MRFAP1: variants seen among roughly 807,000 people sequenced by gnomAD.
MRFAP1 encodes the protein Morf4 family associated protein 1.
In MRFAP1, 1 loss-of-function variant was observed where a neutral mutation model predicts 9.3. The ratio of observed to expected loss-of-function variants is 0.11; its 90% CI spans 0.04 to 0.51. MRFAP1 has a LOEUF of 0.51. MRFAP1 is among the 20% of genes least tolerant of loss of function. The pLI, the probability that MRFAP1 is intolerant of heterozygous loss-of-function variation, is 0.94. For missense variants in MRFAP1, 180 were observed against 178.6 expected, an observed-to-expected ratio of 1.01 and a Z score of -0.04; for synonymous variants, 101 against 80.3, an observed-to-expected ratio of 1.26 and a Z score of -1.38.
At chr4:6,641,343 A>C in intron 1 of MRFAP1, 85 bp downstream of exon 1, 7 of 1,480,116 alleles carry the variant, frequency 4.7e-6, no homozygotes, top group South Asian at 1.3e-5. Context: ...GATGCACCGG[A>C]ATCGGGGGTG....
Position 6,641,225 on chromosome 4 carries a change from AGAG to A in MRFAP1, c.364_366del (p.Glu122del). On this transcript the variant is annotated inframe_deletion, in exon 1 of 2. Coordinates refer to ENST00000382581, the MANE Select transcript of MRFAP1 (RefSeq NM_033296.3). Reference sequence around the variant, plus strand: ...TGCTGGTGGAGCTGGTCCGGCGGATAGAGAAGAGCGAGTCGTCGTGAGCGCGGT... The same window carrying A: ...TGCTGGTGGAGCTGGTCCGGCGGATAAAGAGCGAGTCGTCGTGAGCGCGGT... 6.3e-7 allele frequency: 1 copy of A among 1,589,530 alleles called. No homozygotes were observed. Among genetic ancestry groups the A allele is most frequent in the Non-Finnish European group, 8.6e-7 (1 of 1,163,578 alleles).
chr4:6,641,272 C>T lies in MRFAP1; in HGVS notation c.*12+14C>T, dbSNP rs1712813388. The T allele has an allele frequency of 1.3e-6, 2 of 1,537,714 alleles. No individual in the cohort carries two copies. The highest frequency in any genetic ancestry group is 1.8e-4 in the Middle Eastern group (1 of 5,714). On this transcript the variant is annotated intron_variant, in intron 1 of 1. Coordinates refer to ENST00000382581, the MANE Select transcript of MRFAP1 (RefSeq NM_033296.3). ...GCGCGGTCGGCGGTAAGTCGGGCAC[C>T]CGCGCCAGGCCGAGGAGCGGCCCCA...
chr4:6,642,345 A>G lies in MRFAP1; in HGVS notation c.*628A>G, dbSNP rs1387629146. On this transcript the variant is annotated 3_prime_UTR_variant, in exon 2 of 2. Transcript: ENST00000382581. ...GAGATGTGTTTTGTTCAAAATTTAA[A>G]TTTGTTGTGGTACACTATCTTATGT... The G allele has an allele frequency of 2.0e-5, 3 of 152,642 alleles. No individual in the cohort carries two copies. The highest frequency in any genetic ancestry group is 4.4e-5 in the Non-Finnish European group (3 of 68,040). The allele number at this position is 152,642 out of a possible 1,614,324, so 9.5% of individuals were successfully genotyped here.
rs1712851013 is a variant in MRFAP1 at position 6,641,891 on chromosome 4, G to GT, written c.*177dup. On this transcript the variant is annotated 3_prime_UTR_variant, in exon 2 of 2. Coordinates refer to ENST00000382581, the MANE Select transcript of MRFAP1 (RefSeq NM_033296.3). ...TCTGTGGTTGATGACCTCAATATGA[G>GT]TTTCGATTGTTAACGTGTTTTTGTT... The GT allele has an allele frequency of 6.6e-6, 1 of 152,622 alleles. No individual in the cohort carries two copies. The highest frequency in any genetic ancestry group is 1.5e-5 in the Non-Finnish European group (1 of 68,064). 9.5% of individuals were successfully genotyped at this position (152,622 alleles called of 1,614,324 possible).
At position 6,640,703 on chromosome 4, in the gene MRFAP1, C is replaced by G. The variant is rs776004440; in HGVS notation, c.-160C>G. On this transcript the variant is annotated 5_prime_UTR_variant, in exon 1 of 2. Coordinates refer to ENST00000382581, the MANE Select transcript of MRFAP1 (RefSeq NM_033296.3). ...GGACTCCATTTTGTTCGCCGTTACT[C>G]TGCGCGTAAGTCGCTTGTCCGTGGC... 6 of 937,096 alleles carry G rather than the reference C, an allele frequency of 6.4e-6. No homozygotes were observed. The highest frequency in any genetic ancestry group is 5.1e-5 in the Admixed American group (2 of 39,558). 58.0% of individuals were successfully genotyped at this position (937,096 alleles called of 1,614,324 possible). A position where few individuals can be genotyped will look rare whatever the true frequency, so the allele number is the denominator to read the frequency against.
Position 6,641,105 on chromosome 4 carries a change from C to T in MRFAP1, c.243C>T (p.His81=), listed in dbSNP as rs570990005. ...CCTCGGAGGAGAGCGCCCTCAACCA[C>T]CTCCAGAACCCGGGCGACGCGGCCG... is the stretch of plus-strand genomic sequence containing the variant. ...VEASEESALN[H]LQNPGDAAEG... The change falls in exon 1 of 2, where the codon CAC becomes CAT. Residue 81 remains histidine, a synonymous_variant. Coordinates refer to ENST00000382581, the MANE Select transcript of MRFAP1 (RefSeq NM_033296.3). The T allele has an allele frequency of 1.2e-6, 2 of 1,614,090 alleles. No individual in the cohort carries two copies. The highest frequency in any genetic ancestry group is 2.2e-5 in the East Asian group (1 of 44,892).
Position 6,640,964 on chromosome 4 carries a change from G to C in MRFAP1, c.102G>C (p.Glu34Asp). ...AGTTTCTGCTCCCGGTCATCAACGA[G>C]ATGCGCGAGGACATCGCGTCGCTGA... The part of the protein sequence containing the change: ...FEQFLLPVIN[E>D]MREDIASLTR... Residue 34 changes from glutamate (E) to aspartate (D), a missense_variant, in exon 1 of 2, where the codon GAG becomes GAC. Transcript: ENST00000382581. 2 of 1,614,186 alleles carry C rather than the reference G, an allele frequency of 1.2e-6. No homozygotes were observed. The highest frequency in any genetic ancestry group is 1.7e-6 in the Non-Finnish European group (2 of 1,180,036).
rs1431690696 is a variant in MRFAP1 at position 6,641,129 on chromosome 4, C to G, written c.267C>G (p.Ala89=). The G allele has an allele frequency of 6.2e-7, 1 of 1,614,046 alleles. No homozygotes were observed. The highest frequency in any genetic ancestry group is 1.3e-5 in the African/African-American group (1 of 74,944). ...ACCTCCAGAACCCGGGCGACGCGGC[C>G]GAGGGCCGGGCGGCCAAGAGGTGCG... The part of the protein sequence containing the change: ...LNHLQNPGDA[A]EGRAAKRCEK... The change falls in exon 1 of 2, where the codon GCC becomes GCG. Residue 89 remains alanine, a synonymous_variant. Transcript: ENST00000382581.
At chr4:6,641,457 T>G in intron 1 of MRFAP1, 199 bp downstream of exon 1, 1 of 625,346 alleles carries the variant, frequency 1.6e-6, no homozygotes, top group South Asian at 2.4e-5. Context: ...GTGGCCGGGT[T>G]TGGGCGTGAT....
In MRFAP1 at chr4:6,641,193, G is replaced by A; in HGVS notation, c.331G>A (p.Ala111Thr). ...GAAGGCCAAGGAGATTGCGAAGATG[G>A]CAGAGATGCTGGTGGAGCTGGTCCG... ...EEKAKEIAKM[A>T]EMLVELVRRI... is the part of the protein sequence containing the mutation. Residue 111 changes from alanine (A) to threonine (T), a missense_variant, in exon 1 of 2, where the codon GCA becomes ACA. By Grantham distance (58) the Ala-to-Thr change is moderately conservative (BLOSUM62 0). Coordinates refer to ENST00000382581, the MANE Select transcript of MRFAP1 (RefSeq NM_033296.3). 6.2e-7 allele frequency: 1 copy of A among 1,610,994 alleles called. No individual in the cohort carries two copies. Among genetic ancestry groups the A allele is most frequent in the Non-Finnish European group, 8.5e-7 (1 of 1,177,864 alleles).
chr4:6,641,469 C>T lies in MRFAP1; in HGVS notation c.*12+211C>T, dbSNP rs958680408. 8.7e-6 allele frequency: 5 copies of T among 573,608 alleles called. 1 individual carries two copies. The highest frequency in any genetic ancestry group is 5.3e-5 in the South Asian group (2 of 37,848). 35.5% of individuals were successfully genotyped at this position (573,608 alleles called of 1,614,324 possible). A position where few individuals can be genotyped will look rare whatever the true frequency, so the allele number is the denominator to read the frequency against. ...AGAGTGGCCGGGTTTGGGCGTGATG[C>T]GTGTTCAGTGGAAGGGTCATAAATC... On this transcript the variant is annotated intron_variant, in intron 1 of 1. Coordinates refer to ENST00000382581, the MANE Select transcript of MRFAP1 (RefSeq NM_033296.3).
In MRFAP1 at chr4:6,640,707, G is replaced by A; in HGVS notation, c.-156G>A. ...TCCATTTTGTTCGCCGTTACTCTGC[G>A]CGTAAGTCGCTTGTCCGTGGCTTCT... On this transcript the variant is annotated 5_prime_UTR_variant, in exon 1 of 2. Coordinates refer to ENST00000382581, the MANE Select transcript of MRFAP1 (RefSeq NM_033296.3). The A allele has an allele frequency of 1.0e-6, 1 of 962,618 alleles. No individual in the cohort carries two copies. The highest frequency in any genetic ancestry group is 1.7e-5 in the South Asian group (1 of 60,096). The allele number at this position is 962,618 out of a possible 1,614,324, so 59.6% of individuals were successfully genotyped here.
Position 6,640,733 on chromosome 4 carries a change from C to T in MRFAP1, c.-130C>T, listed in dbSNP as rs1712781860. ...CGTAAGTCGCTTGTCCGTGGCTTCT[C>T]TGAGAAGAAAAGTTGAAAAAGGGTA... is the stretch of plus-strand genomic sequence containing the variant. On this transcript the variant is annotated 5_prime_UTR_variant, in exon 1 of 2. Coordinates refer to ENST00000382581, the MANE Select transcript of MRFAP1 (RefSeq NM_033296.3). 2 of 1,265,334 alleles carry T rather than the reference C, an allele frequency of 1.6e-6. No individual in the cohort carries two copies. The highest frequency in any genetic ancestry group is 1.5e-5 in the African/African-American group (1 of 66,896). The allele number at this position is 1,265,334 out of a possible 1,614,324, so 78.4% of individuals were successfully genotyped here. A position where few individuals can be genotyped will look rare whatever the true frequency, so the allele number is the denominator to read the frequency against.
rs3207079 is a variant in MRFAP1, at chr4:6,641,213, G to C, written c.351G>C (p.Leu117=). 1 of 1,602,594 alleles carries C rather than the reference G, an allele frequency of 6.2e-7. No individual in the cohort carries two copies. Among genetic ancestry groups the C allele is most frequent in the South Asian group, 1.1e-5 (1 of 90,412 alleles). ...AGATGGCAGAGATGCTGGTGGAGCT[G>C]GTCCGGCGGATAGAGAAGAGCGAGT... ...IAKMAEMLVE[L]VRRIEKSESS The change falls in exon 1 of 2, where the codon CTG becomes CTC. Residue 117 remains leucine, a synonymous_variant. Coordinates refer to ENST00000382581, the MANE Select transcript of MRFAP1 (RefSeq NM_033296.3).
Position 6,640,878 on chromosome 4 carries a change from A to G in MRFAP1, c.16A>G (p.Ile6Val). The G allele has an allele frequency of 1.9e-6, 3 of 1,609,708 alleles. No homozygotes were observed. The highest frequency in any genetic ancestry group is 2.5e-6 in the Non-Finnish European group (3 of 1,176,682). The change falls in exon 1 of 2, where the codon ATC becomes GTC. Residue 6 changes from isoleucine to valine, a missense_variant. Physicochemically the swap from Ile to Val is conservative, Grantham distance 29. Transcript: ENST00000382581. MRPLD[I>V]VELAEPEEVE... ...GTGGGAAGAGATGCGGCCCCTGGAC[A>G]TCGTCGAGCTGGCGGAACCGGAGGA...
intron 1 of MRFAP1, 54 bp downstream of exon 1, chr4:6,641,312 C>G: frequency 6.6e-7 from 1 of 1,516,068 alleles, no homozygotes; most frequent in Non-Finnish European, 8.8e-7. Context: ...GGCCGCTCTT[C>G]GAGAGCGATG....
Position 6,641,027 on chromosome 4 carries a change from C to A in MRFAP1, c.165C>A (p.Ser55Arg). Residue 55 changes from serine (S) to arginine (R), a missense_variant, in exon 1 of 2, where the codon AGC becomes AGA. Physicochemically the swap from Ser to Arg is moderately radical, Grantham distance 110. Coordinates refer to ENST00000382581, the MANE Select transcript of MRFAP1 (RefSeq NM_033296.3). ...EHGRAYLRNRSKLWEMDNMLI... is the reference protein window; with the variant it reads ...EHGRAYLRNRRKLWEMDNMLI... The stretch of plus-strand genomic sequence containing the variant: ...GGCGGGCGTACCTGCGGAACCGGAG[C>A]AAGCTGTGGGAGATGGACAATATGC... The A allele has an allele frequency of 6.2e-7, 1 of 1,614,242 alleles. No homozygotes were observed. The highest frequency in any genetic ancestry group is 8.5e-7 in the Non-Finnish European group (1 of 1,180,030).
rs1192426646 is a variant in MRFAP1, at chr4:6,642,655, T to G, written c.*938T>G. 6.6e-6 allele frequency: 1 copy of G among 152,380 alleles called. No homozygotes were observed. Among genetic ancestry groups the G allele is most frequent in the Admixed American group, 6.5e-5 (1 of 15,280 alleles). 9.4% of individuals were successfully genotyped at this position (152,380 alleles called of 1,614,324 possible). ...TTTGAGTAGCAGACCTAACAAATATTTGAGGTCAGAACCCTACCATGTTAA... is the reference window on the plus strand; with the variant it reads ...TTTGAGTAGCAGACCTAACAAATATGTGAGGTCAGAACCCTACCATGTTAA... On this transcript the variant is annotated 3_prime_UTR_variant, in exon 2 of 2. Coordinates refer to ENST00000382581, the MANE Select transcript of MRFAP1 (RefSeq NM_033296.3).
rs1238922962 is a variant in MRFAP1 at position 6,640,694 on chromosome 4, G to T, written c.-169G>T. 7.3e-6 allele frequency: 6 copies of T among 823,610 alleles called. No homozygotes were observed. The East Asian group carries it at 1.6e-4, about 21-fold the overall frequency. The allele number at this position is 823,610 out of a possible 1,614,324, so 51.0% of individuals were successfully genotyped here. ...TGACGGCCGGGACTCCATTTTGTTC[G>T]CCGTTACTCTGCGCGTAAGTCGCTT... On this transcript the variant is annotated 5_prime_UTR_variant, in exon 1 of 2. Transcript: ENST00000382581.
Sources: gnomAD v4.1 joint callset for allele counts on GRCh38, gnomAD v4.1.1 for gene constraint, MANE v1.5 for transcripts, NCBI Gene and HGNC (gene_info 2026-07-23, HGNC 2026-07-21) for gene names.